The following AIFM1 variants were observed in gnomAD, a reference collection of about 807,000 sequenced individuals.
AIFM1 encodes apoptosis inducing factor mitochondria associated 1.
Under a neutral mutation model 51.7 loss-of-function variants are expected in AIFM1, and 3 were observed. The ratio of observed to expected loss-of-function variants is 0.06; its 90% CI spans 0.03 to 0.15. AIFM1 has a LOEUF of 0.15. Ranked by LOEUF, AIFM1 falls within the 10% of genes least tolerant of loss-of-function variation. The probability of loss-of-function intolerance (pLI) is 1.00; values close to 1 mark genes in which losing one functional copy is unlikely to be tolerated. For synonymous variants in AIFM1, 178 were observed against 179.4 expected (o/e 0.99, Z 0.06); for missense variants, 330 against 476.8 (o/e 0.69, Z 2.87).
At chrX:130,157,749 G>A (rs1352609312) in intron 1 of AIFM1, among the ~76,000 whole-genome samples, 1 of 102,388 alleles carries the variant, frequency 9.8e-6, no homozygotes, top group African/African-American at 3.6e-5. Flanking sequence ...GGCAGATCAC[G>A]AGGTCAAGAG....
intron 2 of AIFM1, chrX:130,155,390 C>G (rs2124672935): frequency 9.9e-7 from 1 of 1,012,259 alleles, no homozygotes; most frequent in African/African-American, 1.9e-5. Context: ...TTTGGTTACC[C>G]TGTGCTAAAA....
intron 1 of AIFM1, among the ~76,000 whole-genome samples, chrX:130,164,492 G>A (rs2031465839): frequency 8.9e-6 from 1 of 112,273 alleles, no homozygotes; most frequent in Non-Finnish European, 1.9e-5. Context: ...AAAGCCTCAA[G>A]GATAACTTCT....
chrX:130,159,651 G>C (rs1487342108), intron 1 of AIFM1, among the ~76,000 whole-genome samples: 1 of 108,989 alleles, frequency 9.2e-6, no homozygotes, highest in Non-Finnish European at 1.9e-5. Flanking sequence ...TATTCCTCCA[G>C]AAGACCCTAA....
intron 1 of AIFM1, among the ~76,000 whole-genome samples, chrX:130,164,166 TC>T (rs1248786983): frequency 4.3e-3 from 250 of 57,800 alleles, no homozygotes; most frequent in African/African-American, 0.023. Context: ...AGACTCCGTC[TC>T]AAAAAAAAAA....
chrX:130,136,381 G>A (rs1409833141), intron 11 of AIFM1, among the ~76,000 whole-genome samples, 196 bp from the exon 12 acceptor site: 2 of 112,132 alleles, frequency 1.8e-5, no homozygotes, highest in Admixed American at 9.4e-5. Context: ...CATGTCATTC[G>A]AACAGAAATC....
chrX:130,154,305 A>G (rs1373855634), intron 2 of AIFM1, among the ~76,000 whole-genome samples: 1 of 111,793 alleles, frequency 8.9e-6, no homozygotes, highest in African/African-American at 3.3e-5. Flanking sequence ...TGCATGGTCA[A>G]CTCTGTGGAG....
intron 4 of AIFM1, 31 bp from the exon 5 acceptor site, chrX:130,147,654 G>C (rs1247934097): frequency 8.3e-7 from 1 of 1,211,822 alleles, no homozygotes. Flanking sequence ...ACGCTTATCA[G>C]AGCCAAGTCA....
At chrX:130,140,936 C>T (rs1032186062) in intron 6 of AIFM1, among the ~76,000 whole-genome samples, 3 of 111,778 alleles carry the variant, frequency 2.7e-5, no homozygotes, top group African/African-American at 9.8e-5. Flanking sequence ...GCCAACATGG[C>T]GAAACCCCGT....
At chrX:130,148,171 T>C (rs1377856926) in intron 3 of AIFM1, among the ~76,000 whole-genome samples, 1 of 112,237 alleles carries the variant, frequency 8.9e-6, no homozygotes. Context: ...CTAAAACATT[T>C]AGAAAGTATA....
chrX:130,137,398 C>T (rs1216242610), intron 9 of AIFM1: 7 of 1,156,427 alleles, frequency 6.1e-6, no homozygotes, highest in Non-Finnish European at 8.1e-6. Flanking sequence ...AACTGCTGGC[C>T]CCAGATTAAG....
rs759767218 is a variant in AIFM1 at position 130,149,572 on chromosome X, C to A, written c.250-4G>T. On this transcript the variant is annotated splice_polypyrimidine_tract_variant and splice_region_variant and intron_variant, in intron 2 of 15. Transcript: ENST00000287295. ...CCTCTTTCATAGTCTTGTAGGCCTG[C>A]GGATCCAAACATGGAGAAAGTTTAT... The A allele has an allele frequency of 1.7e-6, 2 of 1,160,459 alleles. No homozygotes were observed. The highest frequency in any genetic ancestry group is 1.8e-5 in the South Asian group (1 of 55,641).
chrX:130,138,848 C>A, intron 8 of AIFM1, 147 bp from the exon 9 acceptor site: 1 of 476,896 alleles, frequency 2.1e-6, no homozygotes, highest in Non-Finnish European at 3.7e-6. Context: ...GTTATTAATG[C>A]AAATTTATTT....
chrX:130,147,705 C>T lies in AIFM1; in HGVS notation c.474+47G>A, dbSNP rs752162831. On this transcript the variant is annotated intron_variant, in intron 4 of 15. Coordinates refer to ENST00000287295, the MANE Select transcript of AIFM1 (RefSeq NM_004208.4). Reference sequence around the variant, plus strand: ...TCAAAGCATTCACATTAGCTAAATGCTTGCAGACTGTACCCTCTGTGCCAA... The same window carrying T: ...TCAAAGCATTCACATTAGCTAAATGTTTGCAGACTGTACCCTCTGTGCCAA... 2.9e-5 allele frequency: 35 copies of T among 1,210,442 alleles called. No homozygotes were observed. The South Asian group carries it at 5.5e-4, about 19-fold the overall frequency.
At chrX:130,135,535 C>T (rs2030299337) in intron 12 of AIFM1, among the ~76,000 whole-genome samples, 1 of 108,230 alleles carries the variant, frequency 9.2e-6, no homozygotes, top group Non-Finnish European at 1.9e-5. Flanking sequence ...ACACAATACA[C>T]TTGTAACTAG....
At chrX:130,143,450 C>T (rs1287235753) in intron 6 of AIFM1, among the ~76,000 whole-genome samples, 2 of 111,315 alleles carry the variant, frequency 1.8e-5, no homozygotes, top group African/African-American at 6.5e-5. Context: ...ATCTTTGCCT[C>T]CTCCATCTCC....
intron 3 of AIFM1, 126 bp from the exon 4 acceptor site, chrX:130,148,002 T>A: frequency 1.2e-6 from 1 of 807,896 alleles, no homozygotes; most frequent in Non-Finnish European, 1.9e-6. Flanking sequence ...ACATATGACC[T>A]ACGCTAATCT....
intron 6 of AIFM1, among the ~76,000 whole-genome samples, chrX:130,143,616 C>T (rs1029556376): frequency 2.7e-5 from 3 of 109,893 alleles, no homozygotes; most frequent in African/African-American, 3.3e-5. Context: ...TTTGGGAAGC[C>T]GAGGTGGGTG....
intron 12 of AIFM1, among the ~76,000 whole-genome samples, chrX:130,135,125 C>T (rs1217005959): frequency 9.3e-6 from 1 of 107,337 alleles, no homozygotes. Flanking sequence ...TGTTGTTGCC[C>T]AGGCTGGAGG....
At chrX:130,152,881 G>A (rs940965946) in intron 2 of AIFM1, among the ~76,000 whole-genome samples, 3 of 112,006 alleles carry the variant, frequency 2.7e-5, no homozygotes, top group African/African-American at 9.7e-5. Flanking sequence ...AGCATTAGAC[G>A]CAAACACAAA....
Sources: allele counts gnomAD v4.1 joint callset (sites outside exome capture counted in the v4.1 genomes callset), GRCh38; gene constraint gnomAD v4.1.1; transcripts MANE v1.5; gene names NCBI Gene and HGNC (gene_info 2026-07-23, HGNC 2026-07-21).